The following RBFOX1 variants were observed in gnomAD, a reference collection of about 807,000 sequenced individuals.
RBFOX1 encodes the protein RNA binding fox-1 homolog 1, also known as RNA binding protein fox-1 homolog 1.
RBFOX1 carries 8 observed loss-of-function variants against 57.7 expected under a neutral mutation model. That is an observed-to-expected ratio of 0.14 (90% CI 0.08 to 0.25). RBFOX1 has a LOEUF of 0.25. RBFOX1 is among the 10% of genes least tolerant of loss of function. The pLI is 1.00. For missense variants in RBFOX1, 611 were observed against 548.5 expected, an observed-to-expected ratio of 1.11 and a Z score of -1.14; for synonymous variants, 326 against 222.4, an observed-to-expected ratio of 1.47 and a Z score of -4.15.
rs140249212 is a variant in RBFOX1, at chr16:5,834,776, TGATAGATAGATAGATA to T, written c.319-32496_319-32481del. Among the ~76,000 whole-genome samples the T allele has an allele frequency of 2.3e-3, 347 of 147,786 alleles. 3 individuals are homozygous for T. Among genetic ancestry groups the T allele is most frequent in the South Asian group, 9.0e-3 (41 of 4,558 alleles). On this transcript the variant is annotated intron_variant, in intron 3 of 19. Coordinates refer to the RBFOX1 transcript ENST00000641259. ...ATACATACATACATACATGCACAGA[TGATAGATAGATAGATA>T]GATAGATAGATAGATAGATAGATAG...
In RBFOX1 at chr16:6,931,340, T is replaced by TATCTATCCCTATCTACAC. The variant is rs1555640312; in HGVS notation, c.-15-120716_-15-120715insTCTATCCCTATCTACACA. On this transcript the variant is annotated intron_variant, in intron 3 of 15. Transcript: ENST00000550418. ...ATCTATCTATCTATCTATCTATCTC[T>TATCTATCCCTATCTACAC]ACACACACACACACACACACACATA... Among the ~76,000 whole-genome samples, 29 of 107,012 alleles carry TATCTATCCCTATCTACAC rather than the reference T, an allele frequency of 2.7e-4. 1 individual carries two copies. The highest frequency in any genetic ancestry group is 9.3e-4 in the African/African-American group (28 of 30,208). 70.2% of individuals were successfully genotyped at this position (107,012 alleles called of 152,430 possible).
chr16:5,771,556 A>C (rs1249966536), intron 3 of RBFOX1, among the ~76,000 whole-genome samples: 1 of 152,120 alleles, frequency 6.6e-6, no homozygotes, highest in African/African-American at 2.4e-5. Context: ...TTACAGGCAT[A>C]CGCCACCATG....
chr16:7,214,353 C>G (rs2091668399), intron 4 of RBFOX1, among the ~76,000 whole-genome samples: 1 of 152,174 alleles, frequency 6.6e-6, no homozygotes, highest in South Asian at 2.1e-4. Flanking sequence ...CCTACTTTAG[C>G]AGATGGCATG....
At chr16:7,029,903 C>T (rs1568444783) in intron 3 of RBFOX1, among the ~76,000 whole-genome samples, 2 of 152,148 alleles carry the variant, frequency 1.3e-5, no homozygotes, top group African/African-American at 2.4e-5. Flanking sequence ...CAGCAAATGC[C>T]ATTTCTTCTC....
Position 7,462,776 on chromosome 16 carries a change from C to T in RBFOX1, c.28-55371C>T, listed in dbSNP as rs147218955. On this transcript the variant is annotated intron_variant, in intron 4 of 15. Coordinates refer to ENST00000550418, the MANE Select transcript of RBFOX1 (RefSeq NM_018723.4). Reference sequence around the variant, plus strand: ...AGATAGCCCTGGCCTTCAGAAGCTGCCCGTATTCCTTCTCCTGCTGTCCAG... The same window carrying T: ...AGATAGCCCTGGCCTTCAGAAGCTGTCCGTATTCCTTCTCCTGCTGTCCAG... 2.0e-3 allele frequency among the ~76,000 whole-genome samples: 300 copies of T among 152,332 alleles called. 3 individuals are homozygous for T. The highest frequency in any genetic ancestry group is 0.01 in the Middle Eastern group (3 of 294).
At chr16:7,556,094 C>G (rs192014972) in intron 5 of RBFOX1, among the ~76,000 whole-genome samples, 5 of 152,236 alleles carry the variant, frequency 3.3e-5, no homozygotes, top group East Asian at 1.9e-4. Flanking sequence ...CTTTGATAAC[C>G]AAGGCATTGT....
chr16:7,490,816 A>C (rs1304866381), intron 4 of RBFOX1, among the ~76,000 whole-genome samples: 1 of 152,132 alleles, frequency 6.6e-6, no homozygotes, highest in Non-Finnish European at 1.5e-5. Flanking sequence ...AATATAATCA[A>C]GTCCCATCTT....
intron 3 of RBFOX1, among the ~76,000 whole-genome samples, chr16:6,836,380 C>G (rs1008939139): frequency 6.6e-6 from 1 of 152,208 alleles, no homozygotes; most frequent in African/African-American, 2.4e-5. Flanking sequence ...ACAGAAGCAA[C>G]CAGAAACCCC....
chr16:5,604,525 C>T (rs1028179226), downstream of RBFOX1, among the ~76,000 whole-genome samples: 2 of 152,172 alleles, frequency 1.3e-5, no homozygotes, highest in East Asian at 1.9e-4. Context: ...GTGCTTTTCC[C>T]GGGAGTGTCT....
chr16:7,475,717 C>G (rs893708971), intron 4 of RBFOX1, among the ~76,000 whole-genome samples: 5 of 152,168 alleles, frequency 3.3e-5, no homozygotes, highest in East Asian at 1.9e-4. Context: ...TGGCCTCGGA[C>G]AAGTTATTGA....
intron 14 of RBFOX1, among the ~76,000 whole-genome samples, chr16:7,692,949 C>G (rs1042422525): frequency 6.6e-6 from 1 of 151,582 alleles, no homozygotes; most frequent in Admixed American, 6.6e-5. Context: ...TGTAGTATAC[C>G]CTATTTCTTA....
chr16:5,919,227 A>T (rs1019341185), intron 4 of RBFOX1, among the ~76,000 whole-genome samples: 2 of 152,228 alleles, frequency 1.3e-5, no homozygotes, highest in African/African-American at 4.8e-5. Flanking sequence ...GGTTCTAGTT[A>T]ATGCCTATTT....
At chr16:5,799,116 G>A (rs918364874) in intron 3 of RBFOX1, among the ~76,000 whole-genome samples, 6 of 152,076 alleles carry the variant, frequency 3.9e-5, no homozygotes, top group African/African-American at 1.4e-4. Context: ...CAATCATGGT[G>A]GCAGGTGAAA....
chr16:6,531,759 A>G (rs2096661037), intron 2 of RBFOX1, among the ~76,000 whole-genome samples: 1 of 152,190 alleles, frequency 6.6e-6, no homozygotes, highest in South Asian at 2.1e-4. Context: ...TTACATGAGA[A>G]CAAAGTAATT....
intron 1 of RBFOX1, among the ~76,000 whole-genome samples, chr16:5,279,679 T>C (rs1179429266): frequency 6.6e-6 from 1 of 151,878 alleles, no homozygotes; most frequent in African/African-American, 2.4e-5. Flanking sequence ...TTGTTGTATT[T>C]TTAGTAGAGA....
chr16:7,674,778 G>C (rs954018838), intron 13 of RBFOX1, among the ~76,000 whole-genome samples: 3 of 152,178 alleles, frequency 2.0e-5, no homozygotes, highest in Non-Finnish European at 1.5e-5. Context: ...CTACTAGTCA[G>C]TGTGGTTCAT....
chr16:5,803,825 T>C (rs539633639), intron 3 of RBFOX1, among the ~76,000 whole-genome samples: 2 of 152,314 alleles, frequency 1.3e-5, no homozygotes, highest in East Asian at 3.9e-4. Context: ...ATTGCAGAAA[T>C]GTTGCTTCTT....
At chr16:6,584,384 T>C (rs1312362819) in intron 2 of RBFOX1, among the ~76,000 whole-genome samples, 5 of 139,378 alleles carry the variant, frequency 3.6e-5, no homozygotes, top group Non-Finnish European at 7.8e-5. Flanking sequence ...ATTATTATTA[T>C]TGAGACATGG....
At chr16:6,495,339 G>C (rs538387707) in intron 2 of RBFOX1, among the ~76,000 whole-genome samples, 23 of 152,128 alleles carry the variant, frequency 1.5e-4, no homozygotes, top group African/African-American at 4.8e-4. Flanking sequence ...GGCTGGTCTC[G>C]AACTCCTGAC....
Sources: allele counts gnomAD v4.1 joint callset (sites outside exome capture counted in the v4.1 genomes callset), GRCh38; gene constraint gnomAD v4.1.1; transcripts MANE v1.5; gene names NCBI Gene and HGNC (gene_info 2026-07-23, HGNC 2026-07-21).